Variants in PHLPP1 observed in about 807,000 individuals in gnomAD.
PHLPP1 encodes PH domain and leucine rich repeat protein phosphatase 1.
A neutral mutation model predicts 117.2 loss-of-function variants in PHLPP1; 42 were observed. The observed-to-expected ratio is 0.36, with a 90% CI of 0.28 to 0.46. PHLPP1 has a LOEUF of 0.46. Ranked by LOEUF, PHLPP1 falls within the 20% of genes least tolerant of loss-of-function variation. The pLI is 1.00. For missense variants in PHLPP1, 2,084 were observed against 2,241.9 expected, an observed-to-expected ratio of 0.93 and a Z score of 1.42; for synonymous variants, 1,042 against 970.7, an observed-to-expected ratio of 1.07 and a Z score of -1.37.
intron 3 of PHLPP1, among the ~76,000 whole-genome samples, chr18:62,849,431 C>A (rs1017121273): frequency 6.6e-6 from 1 of 151,622 alleles, no homozygotes; most frequent in Non-Finnish European, 1.5e-5. Context: ...GAAGCTGAGG[C>A]GGGTGGATCA....
At chr18:62,916,597 A>AGAGG (rs1465908448) in intron 9 of PHLPP1, among the ~76,000 whole-genome samples, 15 of 130,560 alleles carry the variant, frequency 1.1e-4, no homozygotes, top group Admixed American at 1.1e-3. Flanking sequence ...ACCATTAACA[A>AGAGG]GAGGGTGGGT....
chr18:62,851,941 A>G (rs551944625), intron 3 of PHLPP1, among the ~76,000 whole-genome samples: 14 of 151,986 alleles, frequency 9.2e-5, no homozygotes, highest in Non-Finnish European at 1.8e-4. Flanking sequence ...CAGTGGCACA[A>G]TCATAGTTCA....
chr18:62,879,157 T>G lies in PHLPP1; in HGVS notation c.2067-15854T>G, dbSNP rs138030638. 2.0e-3 allele frequency among the ~76,000 whole-genome samples: 310 copies of G among 152,268 alleles called. 1 individual carries two copies. Among genetic ancestry groups the G allele is most frequent in the African/African-American group, 7.2e-3 (301 of 41,552 alleles). On this transcript the variant is annotated intron_variant, in intron 4 of 16. Coordinates refer to ENST00000262719, the MANE Select transcript of PHLPP1 (RefSeq NM_194449.4). ...AAACATAATCCCCCATGCAACAGTA[T>G]TAAGAGGTGGGACTTTAAAGAGGTG...
chr18:62,766,076 A>AATATATATAT (rs60058262), intron 1 of PHLPP1, among the ~76,000 whole-genome samples: 47 of 21,658 alleles, frequency 2.2e-3, no homozygotes, highest in East Asian at 3.3e-3. Flanking sequence ...AAAAAAAAAA[A>AATATATATAT]ATATATATAT....
chr18:62,718,914 T>G (rs1187584306), intron 1 of PHLPP1, among the ~76,000 whole-genome samples: 6 of 152,210 alleles, frequency 3.9e-5, no homozygotes, highest in Non-Finnish European at 8.8e-5. Flanking sequence ...AGTTTGAATC[T>G]GTGTTTCCCT....
At chr18:62,781,928 A>T (rs1391596903) in intron 1 of PHLPP1, among the ~76,000 whole-genome samples, 1 of 152,244 alleles carries the variant, frequency 6.6e-6, no homozygotes, top group East Asian at 1.9e-4. Context: ...TTAGTGACTA[A>T]TAAAAGTTTT....
At chr18:62,855,176 TAAC>T (rs1915461694) in intron 3 of PHLPP1, among the ~76,000 whole-genome samples, 3 of 152,254 alleles carry the variant, frequency 2.0e-5, no homozygotes, top group African/African-American at 7.2e-5. Context: ...ACTTAAATGT[TAAC>T]TATTATTATT....
intron 1 of PHLPP1, among the ~76,000 whole-genome samples, chr18:62,793,431 C>T (rs780599391): frequency 6.6e-6 from 1 of 152,156 alleles, no homozygotes; most frequent in African/African-American, 2.4e-5. Context: ...GCCAGATTTA[C>T]CTGTTGATGG....
chr18:62,871,190 A>AT (rs775188434), intron 4 of PHLPP1, among the ~76,000 whole-genome samples: 1 of 152,046 alleles, frequency 6.6e-6, no homozygotes, highest in South Asian at 2.1e-4. Context: ...TAAGGAATAT[A>AT]TTTTTTCCCC....
Position 62,716,851 on chromosome 18 carries a change from G to A in PHLPP1, c.1168G>A (p.Val390Ile), listed in dbSNP as rs1001024913. ...EADAASAPTG[V>I]PGQPRRPGHP... Reference sequence around the variant, plus strand: ...CGACGCAGCCTCGGCCCCGACGGGGGTCCCGGGCCAGCCCCGCCGTCCCGG... The same window carrying A: ...CGACGCAGCCTCGGCCCCGACGGGGATCCCGGGCCAGCCCCGCCGTCCCGG... Residue 390 changes from valine to isoleucine, a missense_variant, in exon 1 of 17, where the codon GTC becomes ATC. Val to Ile is a conservative substitution (Grantham distance 29). Around this residue, in one of 2 missense-constraint regions of PHLPP1, gnomAD observed 719 missense variants for 636.0 expected, o/e 1.13. Coordinates refer to ENST00000262719, the MANE Select transcript of PHLPP1 (RefSeq NM_194449.4). This position sits in a 1 kb window ranked among gnomAD's most constrained non-coding sequence, Gnocchi z 5.7. The A allele has an allele frequency of 1.1e-5, 16 of 1,523,042 alleles. No homozygotes were observed. The Admixed American group carries it at 2.0e-4, about 19-fold the overall frequency. 94.3% of individuals were successfully genotyped at this position (1,523,042 alleles called of 1,614,324 possible).
intron 1 of PHLPP1, among the ~76,000 whole-genome samples, chr18:62,812,099 T>C (rs1445150211): frequency 1.3e-5 from 2 of 152,200 alleles, no homozygotes; most frequent in African/African-American, 2.4e-5. Flanking sequence ...TTGGGACTTA[T>C]ATGATTGTAG....
chr18:62,844,295 C>T (rs1343643329), intron 3 of PHLPP1, among the ~76,000 whole-genome samples: 3 of 152,072 alleles, frequency 2.0e-5, no homozygotes, highest in Non-Finnish European at 2.9e-5. Context: ...GCTGAGATTG[C>T]GCCACTGCAC....
intron 9 of PHLPP1, among the ~76,000 whole-genome samples, chr18:62,919,726 TA>T (rs1315417760): frequency 1.3e-5 from 2 of 152,240 alleles, no homozygotes; most frequent in African/African-American, 4.8e-5. Context: ...CGTACATCTA[TA>T]GAACTTGTTT....
intron 1 of PHLPP1, chr18:62,731,115 G>A (rs2122059988): frequency 6.6e-6 from 1 of 152,174 alleles, no homozygotes; most frequent in South Asian, 2.1e-4. Flanking sequence ...TGTTGAGTAA[G>A]TCTGTTGGCA....
chr18:62,854,308 T>G (rs1351224427), intron 3 of PHLPP1, among the ~76,000 whole-genome samples: 1 of 152,254 alleles, frequency 6.6e-6, no homozygotes, highest in African/African-American at 2.4e-5. Flanking sequence ...CTTATACTTT[T>G]CCTGTAACCT....
chr18:62,823,434 G>A (rs1397266270), intron 1 of PHLPP1, among the ~76,000 whole-genome samples: 1 of 151,804 alleles, frequency 6.6e-6, no homozygotes. Context: ...CATGGTGGCG[G>A]GCACCTGTAG....
At chr18:62,808,494 T>C (rs1914016086) in intron 1 of PHLPP1, among the ~76,000 whole-genome samples, 1 of 152,178 alleles carries the variant, frequency 6.6e-6, no homozygotes. Context: ...AATAGTTCTC[T>C]TATGCTAAGT....
At chr18:62,872,986 CAAAAA>C (rs60920082) in intron 4 of PHLPP1, among the ~76,000 whole-genome samples, 1 of 54,814 alleles carries the variant, frequency 1.8e-5, no homozygotes, top group African/African-American at 5.7e-5. Context: ...AACTCTGCCT[CAAAAA>C]AAAAAAAAAA....
chr18:62,947,937 A>G (rs1175079259), intron 12 of PHLPP1, among the ~76,000 whole-genome samples: 4 of 152,170 alleles, frequency 2.6e-5, no homozygotes, highest in Non-Finnish European at 5.9e-5. Context: ...GAGGCAGGAG[A>G]ATCACTTGAA....
Sources: allele counts gnomAD v4.1 joint callset (sites outside exome capture counted in the v4.1 genomes callset), GRCh38; gene constraint gnomAD v4.1.1; regional missense constraint gnomAD v4.1.1; non-coding constraint Gnocchi (gnomAD v3.1); transcripts MANE v1.5; gene names NCBI Gene and HGNC (gene_info 2026-07-23, HGNC 2026-07-21).